PTER: variants seen among roughly 807,000 people sequenced by gnomAD.
PTER encodes the protein phosphotriesterase related.
In PTER, 38 loss-of-function variants were observed where a neutral mutation model predicts 29.6. That is an observed-to-expected ratio of 1.28 (90% CI 0.99 to 1.68). The LOEUF (loss-of-function observed/expected upper bound fraction) is 1.68. Among genes scored for constraint, PTER ranks in the 40% most tolerant of loss-of-function variants. PTER has a pLI of 0.00. For missense variants in PTER, 482 were observed against 427.8 expected (o/e 1.13, Z -1.12); for synonymous variants, 172 against 154.5 (o/e 1.11, Z -0.84).
chr10:16,444,063 G>A (rs1226737332), intron 1 of PTER, among the ~76,000 whole-genome samples: 41 of 150,104 alleles, frequency 2.7e-4, no homozygotes, highest in Admixed American at 2.5e-3. Context: ...GTGCATTGGC[G>A]CGATCTCGGC....
At chr10:16,488,649 G>A (rs1037225974) in intron 3 of PTER, among the ~76,000 whole-genome samples, 1 of 151,318 alleles carries the variant, frequency 6.6e-6, no homozygotes, top group Admixed American at 6.6e-5. Flanking sequence ...TGTTGCCCAG[G>A]CTGGAGTGCA....
At chr10:16,464,480 T>G (rs1468886631) in intron 1 of PTER, among the ~76,000 whole-genome samples, 1 of 152,216 alleles carries the variant, frequency 6.6e-6, no homozygotes, top group Non-Finnish European at 1.5e-5. Flanking sequence ...GGCTTGTGTT[T>G]CCTGACTCGT....
intron 1 of PTER, among the ~76,000 whole-genome samples, chr10:16,465,530 T>C (rs1031877950): frequency 6.6e-6 from 1 of 152,144 alleles, no homozygotes; most frequent in Non-Finnish European, 1.5e-5. Context: ...ATAAAGATCA[T>C]TGGTCACAAG....
At chr10:16,466,990 T>A (rs1834859890) in intron 1 of PTER, among the ~76,000 whole-genome samples, 1 of 152,232 alleles carries the variant, frequency 6.6e-6, no homozygotes, top group Admixed American at 6.5e-5. Context: ...TTTAGTTTTC[T>A]GATTTTCAGT....
intron 1 of PTER, among the ~76,000 whole-genome samples, chr10:16,459,824 C>G (rs911204912): frequency 8.5e-5 from 13 of 152,084 alleles, no homozygotes. Context: ...CTTGGCTCAC[C>G]ACAACCTCCG....
chr10:16,439,467 T>C (rs914667474), intron 1 of PTER, among the ~76,000 whole-genome samples: 3 of 152,232 alleles, frequency 2.0e-5, no homozygotes, highest in Non-Finnish European at 4.4e-5. Context: ...CATGACCGTG[T>C]ACTCAGTGCC....
intron 1 of PTER, among the ~76,000 whole-genome samples, chr10:16,446,541 C>G (rs1470882036): frequency 6.6e-6 from 1 of 151,984 alleles, no homozygotes; most frequent in African/African-American, 2.4e-5. Context: ...GTTAGAAGTT[C>G]AAGTTTAAAA....
intron 1 of PTER, among the ~76,000 whole-genome samples, chr10:16,464,180 G>A (rs1473196949): frequency 6.6e-6 from 1 of 152,154 alleles, no homozygotes; most frequent in African/African-American, 2.4e-5. Context: ...AGAAAGCTGA[G>A]GGTTTAATAT....
chr10:16,507,201 C>CATATATATATATATATATATATATAT (rs55959560), intron 4 of PTER, among the ~76,000 whole-genome samples: 43 of 140,408 alleles, frequency 3.1e-4, no homozygotes, highest in African/African-American at 1.1e-3. Context: ...GTGGGTGGAG[C>CATATATATATATATATATATATATAT]ATATATATAT....
intron 1 of PTER, among the ~76,000 whole-genome samples, chr10:16,474,362 C>T (rs80215388): frequency 0.013 from 2,048 of 152,276 alleles, 19 homozygotes; most frequent in Non-Finnish European, 0.02. Flanking sequence ...GAAAAATGAT[C>T]TTCCCTCCCC....
chr10:16,450,241 G>A (rs1232592150), intron 1 of PTER, among the ~76,000 whole-genome samples: 1 of 152,184 alleles, frequency 6.6e-6, no homozygotes, highest in Non-Finnish European at 1.5e-5. Flanking sequence ...AACGGGTATT[G>A]GGAGTGGGTC....
At chr10:16,475,734 C>A (rs1431516764) in intron 1 of PTER, among the ~76,000 whole-genome samples, 2 of 152,150 alleles carry the variant, frequency 1.3e-5, no homozygotes, top group African/African-American at 4.8e-5. Flanking sequence ...ATAATGAGGA[C>A]CTCCTGTAGC....
intron 1 of PTER, among the ~76,000 whole-genome samples, chr10:16,441,680 C>CT (rs1181639912): frequency 1.3e-5 from 2 of 152,204 alleles, no homozygotes; most frequent in African/African-American, 4.8e-5. Context: ...TTGGACGTGA[C>CT]TGGCCCAAGC....
intron 3 of PTER, among the ~76,000 whole-genome samples, chr10:16,501,373 A>ACG (rs1554793386): frequency 1.4e-5 from 2 of 143,736 alleles, no homozygotes; most frequent in South Asian, 2.3e-4. Flanking sequence ...ACACACATGC[A>ACG]CACACACACA....
At position 16,484,933 on chromosome 10, in the gene PTER, A is replaced by G. The variant is rs984205418; in HGVS notation, c.432+117A>G. On this transcript the variant is annotated intron_variant, in intron 2 of 4. Transcript: ENST00000535784. ...TGCTACGGAAATTTGCTAGCTAGCA[A>G]AGACATCTGCCAGTTGGGGCCCCAG... is the stretch of plus-strand genomic sequence containing the variant. 3.3e-6 allele frequency: 4 copies of G among 1,197,850 alleles called. No individual in the cohort carries two copies. In the African/African-American group the frequency reaches 4.6e-5, roughly 14 times the overall value. 74.2% of individuals were successfully genotyped at this position (1,197,850 alleles called of 1,614,324 possible). A position where few individuals can be genotyped will look rare whatever the true frequency, so the allele number is the denominator to read the frequency against.
the PTER span, among the ~76,000 whole-genome samples, chr10:16,518,856 A>G: frequency 3.3e-5 from 5 of 152,224 alleles, no homozygotes; most frequent in South Asian, 1.0e-3. Flanking sequence ...GGGACTGTTC[A>G]TAAGCCTTTT....
At chr10:16,489,007 A>G (rs539904981) in intron 3 of PTER, among the ~76,000 whole-genome samples, 14 of 152,316 alleles carry the variant, frequency 9.2e-5, no homozygotes, top group African/African-American at 3.1e-4. Context: ...CTCTTTAAAT[A>G]CTGTTTCACT....
At chr10:16,518,083 T>C (rs1416730292), downstream of PTER, among the ~76,000 whole-genome samples, 3 of 152,208 alleles carry the variant, frequency 2.0e-5, no homozygotes, top group African/African-American at 4.8e-5. Context: ...TTCTGTTTTA[T>C]GAAAAATTAA....
At position 16,485,351 on chromosome 10, in the gene PTER, T is replaced by C. The variant is rs146947999; in HGVS notation, c.432+535T>C. ...CATTCCCCTGTGTTTTGTCATAATATGGTCTTAAGAATGGGCAGAAGGAAG... is the reference window on the plus strand; with the variant it reads ...CATTCCCCTGTGTTTTGTCATAATACGGTCTTAAGAATGGGCAGAAGGAAG... On this transcript the variant is annotated intron_variant, in intron 2 of 4. Coordinates refer to ENST00000535784, the MANE Select transcript of PTER (RefSeq NM_001261836.2). Among the ~76,000 whole-genome samples, 731 of 152,306 alleles carry C rather than the reference T, an allele frequency of 4.8e-3. 10 individuals carry two copies. Among genetic ancestry groups the C allele is most frequent in the African/African-American group, 0.017 (700 of 41,570 alleles).
Sources: gnomAD v4.1 joint callset for allele counts (sites outside exome capture counted in the v4.1 genomes callset) on GRCh38, gnomAD v4.1.1 for gene constraint, MANE v1.5 for transcripts, NCBI Gene and HGNC (gene_info 2026-07-23, HGNC 2026-07-21) for gene names.